The following FBXL7 variants were observed in gnomAD, a reference collection of about 807,000 sequenced individuals.
The protein encoded by FBXL7 is F-box and leucine rich repeat protein 7.
FBXL7 carries 12 observed loss-of-function variants against 38.3 expected under a neutral mutation model. The observed-to-expected ratio is 0.31, with a 90% confidence interval of 0.20 to 0.51. The LOEUF is 0.51. Among genes scored for constraint, FBXL7 ranks in the 20% least tolerant of loss-of-function variants. FBXL7 has a pLI of 0.98. For synonymous variants in FBXL7, 297 were observed against 300.9 expected (o/e 0.99, Z 0.13); for missense variants, 567 against 676.4 (o/e 0.84, Z 1.79).
At chr5:15,921,952 T>A (rs1411413474) in intron 2 of FBXL7, among the ~76,000 whole-genome samples, 1 of 152,094 alleles carries the variant, frequency 6.6e-6, no homozygotes, top group African/African-American at 2.4e-5. Flanking sequence ...TAGAGTACCA[T>A]ATGACCCAGC....
intron 2 of FBXL7, among the ~76,000 whole-genome samples, chr5:15,772,896 A>G (rs1312929457): frequency 7.6e-5 from 11 of 144,602 alleles, no homozygotes; most frequent in Admixed American, 1.4e-4. Flanking sequence ...AAATTGTGAG[A>G]CTTTGTTTTT....
At chr5:15,885,517 C>T (rs956066861) in intron 2 of FBXL7, among the ~76,000 whole-genome samples, 7 of 152,138 alleles carry the variant, frequency 4.6e-5, no homozygotes, top group Non-Finnish European at 8.8e-5. Flanking sequence ...GAGCACCTAC[C>T]ACAAACAGCA....
intron 2 of FBXL7, among the ~76,000 whole-genome samples, chr5:15,786,920 G>T (rs1005257656): frequency 2.6e-5 from 4 of 152,250 alleles, no homozygotes; most frequent in Admixed American, 1.3e-4. Context: ...GATCATCTTG[G>T]ATTATCCAAG....
At chr5:15,653,834 C>A (rs765640463) in intron 2 of FBXL7, among the ~76,000 whole-genome samples, 2 of 152,214 alleles carry the variant, frequency 1.3e-5, no homozygotes, top group African/African-American at 4.8e-5. Flanking sequence ...CATCATTTCC[C>A]TTGGGGAGCT....
At chr5:15,710,909 A>G (rs1449226631) in intron 2 of FBXL7, among the ~76,000 whole-genome samples, 1 of 152,120 alleles carries the variant, frequency 6.6e-6, no homozygotes, top group African/African-American at 2.4e-5. Flanking sequence ...CTCATCTTCA[A>G]TTGTAATTCC....
At chr5:15,760,004 C>A (rs1299318831) in intron 2 of FBXL7, among the ~76,000 whole-genome samples, 1 of 152,142 alleles carries the variant, frequency 6.6e-6, no homozygotes, top group Admixed American at 6.6e-5. Context: ...TGCCATAGAA[C>A]CATTCCATTT....
chr5:15,680,950 A>G (rs1218555632), intron 2 of FBXL7, among the ~76,000 whole-genome samples: 2 of 152,200 alleles, frequency 1.3e-5, no homozygotes, highest in African/African-American at 4.8e-5. Context: ...CATGCCATTG[A>G]TGAGCATGTA....
rs1741341198 is a variant in FBXL7, at chr5:15,905,706, G to T, written c.128-22184G>T. Among the ~76,000 whole-genome samples the T allele has an allele frequency of 2.0e-5, 3 of 152,254 alleles. No homozygotes were observed. In the South Asian group the frequency reaches 6.2e-4, roughly 32 times the overall value. On this transcript the variant is annotated intron_variant, in intron 2 of 3. Coordinates refer to ENST00000504595, the MANE Select transcript of FBXL7 (RefSeq NM_012304.5). The stretch of plus-strand genomic sequence containing the variant: ...GCAAGAATTAAATATTTTCAGTTCA[G>T]TTCTAAACTTATGAAGATAAACAAA...
At chr5:15,929,201 T>C (rs1195210198) in intron 3 of FBXL7, among the ~76,000 whole-genome samples, 2 of 152,238 alleles carry the variant, frequency 1.3e-5, no homozygotes, top group East Asian at 3.9e-4. Context: ...CATTTTGTAG[T>C]GTCTCCTTAG....
At chr5:15,930,301 G>A (rs189399968) in intron 3 of FBXL7, among the ~76,000 whole-genome samples, 2 of 152,318 alleles carry the variant, frequency 1.3e-5, no homozygotes, top group African/African-American at 4.8e-5. Flanking sequence ...TTTTCTAGAT[G>A]TGTTTCCTCT....
chr5:15,556,827 T>C (rs1738252042), intron 1 of FBXL7, among the ~76,000 whole-genome samples: 1 of 152,228 alleles, frequency 6.6e-6, no homozygotes, highest in African/African-American at 2.4e-5. Flanking sequence ...TGGAACTTTC[T>C]CTGATCTTGA....
chr5:15,588,760 G>T (rs376704506), intron 1 of FBXL7, among the ~76,000 whole-genome samples: 1 of 152,170 alleles, frequency 6.6e-6, no homozygotes, highest in African/African-American at 2.4e-5. Context: ...CTTCCCAATT[G>T]TAATGTGTAT....
chr5:15,597,058 T>A (rs1460402467), intron 1 of FBXL7, among the ~76,000 whole-genome samples: 1 of 152,186 alleles, frequency 6.6e-6, no homozygotes, highest in Non-Finnish European at 1.5e-5. Flanking sequence ...GGGCTGGACA[T>A]GTGATTGGCA....
chr5:15,501,858 GCA>G lies in FBXL7; in HGVS notation c.37+1146_37+1147del, dbSNP rs1736495547. 3 of 408,876 alleles carry G rather than the reference GCA, an allele frequency of 7.3e-6. No homozygotes were observed. The East Asian group carries it at 5.0e-4, about 68-fold the overall frequency. 25.3% of individuals were successfully genotyped at this position (408,876 alleles called of 1,614,324 possible). A position where few individuals can be genotyped will look rare whatever the true frequency, so the allele number is the denominator to read the frequency against. ...TCATCATGTTTTGACTTCCATATGT[GCA>G]TGTGTATGTGTGTGTGTGTGTGTGT... On this transcript the variant is annotated intron_variant, in intron 1 of 3. Transcript: ENST00000504595.
At chr5:15,763,613 A>T (rs1045763785) in intron 2 of FBXL7, among the ~76,000 whole-genome samples, 1 of 151,996 alleles carries the variant, frequency 6.6e-6, no homozygotes, top group African/African-American at 2.4e-5. Flanking sequence ...ACATAGAATG[A>T]TTTTCTTTCT....
intron 2 of FBXL7, among the ~76,000 whole-genome samples, chr5:15,727,587 A>G (rs1735441414): frequency 6.6e-6 from 1 of 152,132 alleles, no homozygotes; most frequent in Non-Finnish European, 1.5e-5. Context: ...TCTGCTGATC[A>G]TCTTTAGGGA....
intron 2 of FBXL7, among the ~76,000 whole-genome samples, chr5:15,665,840 C>T (rs1742256863): frequency 6.6e-6 from 1 of 152,114 alleles, no homozygotes; most frequent in South Asian, 2.1e-4. Context: ...CCCAACCTTG[C>T]ACTTTGGGTT....
At chr5:15,866,141 GA>G (rs984288113) in intron 2 of FBXL7, among the ~76,000 whole-genome samples, 2 of 151,578 alleles carry the variant, frequency 1.3e-5, no homozygotes, top group East Asian at 3.9e-4. Flanking sequence ...TTTGTTACTG[GA>G]AAAAAAAGTC....
intron 1 of FBXL7, among the ~76,000 whole-genome samples, chr5:15,580,000 C>T (rs960217606): frequency 6.6e-6 from 1 of 152,060 alleles, no homozygotes; most frequent in African/African-American, 2.4e-5. Context: ...TTTATTGGTT[C>T]CACTAGACTG....
Sources: gnomAD v4.1 joint callset for allele counts (sites outside exome capture counted in the v4.1 genomes callset) on GRCh38, gnomAD v4.1.1 for gene constraint, MANE v1.5 for transcripts, NCBI Gene and HGNC (gene_info 2026-07-23, HGNC 2026-07-21) for gene names.